HAPSTR1: variants seen among roughly 807,000 people sequenced by gnomAD.
The protein encoded by HAPSTR1 is HUWE1 associated protein modifying stress responses, also known as HUWE1-associated protein modifying stress responses 1.
the HAPSTR1 span, chr16:9,105,498 G>C: frequency 1.3e-5 from 2 of 152,146 alleles, no homozygotes; most frequent in Non-Finnish European, 2.9e-5. Context: ...AGTTTAATTT[G>C]AATATTTAAA....
chr16:9,095,589 G>C, the HAPSTR1 span, among the ~76,000 whole-genome samples: 1 of 151,964 alleles, frequency 6.6e-6, no homozygotes, highest in Non-Finnish European at 1.5e-5. Context: ...TAACTACCAA[G>C]AAGTTCATTA....
the HAPSTR1 span, chr16:9,112,746 A>C: frequency 1.2e-4 from 18 of 152,220 alleles, no homozygotes; most frequent in African/African-American, 3.9e-4. Flanking sequence ...CCTGGACTGT[A>C]AGTTTGTTTT....
chr16:9,113,200 CTTAATT>C, the HAPSTR1 span: 1 of 151,954 alleles, frequency 6.6e-6, no homozygotes, highest in African/African-American at 2.4e-5. Flanking sequence ...GGTTGTTAAT[CTTAATT>C]ATTTTTGACC....
the HAPSTR1 span, chr16:9,091,674 G>C: frequency 1.3e-5 from 5 of 398,966 alleles, no homozygotes; most frequent in African/African-American, 2.1e-5. Context: ...CCGCGGTGCA[G>C]GCCGAGCTGC....
the HAPSTR1 span, among the ~76,000 whole-genome samples, chr16:9,115,232 CTT>C: frequency 2.0e-5 from 3 of 152,188 alleles, no homozygotes; most frequent in African/African-American, 4.8e-5. Flanking sequence ...GAGGCAGAGA[CTT>C]TTCAACTTAA....
the HAPSTR1 span, among the ~76,000 whole-genome samples, chr16:9,094,970 T>C: frequency 6.6e-6 from 1 of 152,230 alleles, no homozygotes; most frequent in Non-Finnish European, 1.5e-5. Flanking sequence ...TCTGAAATAA[T>C]CCTTAATTTG....
chr16:9,119,932 G>A, the HAPSTR1 span: 1 of 152,348 alleles, frequency 6.6e-6, no homozygotes, highest in East Asian at 1.9e-4. Context: ...CCAACCCAGA[G>A]GGCTAGTCAG....
the HAPSTR1 span, among the ~76,000 whole-genome samples, chr16:9,115,715 A>C: frequency 1.3e-5 from 2 of 152,120 alleles, no homozygotes; most frequent in Non-Finnish European, 2.9e-5. Flanking sequence ...CCCGGGTTCA[A>C]GCGATTCTCC....
At chr16:9,116,762 A>G in the HAPSTR1 span, 1 of 1,614,128 alleles carries the variant, frequency 6.2e-7, no homozygotes, top group Non-Finnish European at 8.5e-7. Context: ...GTCGAAGGAG[A>G]AATGGACTCC....
the HAPSTR1 span, chr16:9,118,015 T>C: frequency 6.5e-6 from 1 of 152,674 alleles, no homozygotes; most frequent in Non-Finnish European, 1.5e-5. Flanking sequence ...TGGAATCGCA[T>C]GGAGATTCTC....
chr16:9,097,073 G>T, the HAPSTR1 span, among the ~76,000 whole-genome samples: 767 of 152,106 alleles, frequency 5.0e-3, 7 homozygotes, highest in African/African-American at 0.018. Flanking sequence ...CCCAGTAGCT[G>T]GGATTACAGG....
chr16:9,109,019 C>G, the HAPSTR1 span: 2 of 152,178 alleles, frequency 1.3e-5, no homozygotes, highest in South Asian at 2.1e-4. Context: ...TGGCTTTTGC[C>G]TTCTGGGATA....
chr16:9,099,656 T>G, the HAPSTR1 span, among the ~76,000 whole-genome samples: 1 of 152,232 alleles, frequency 6.6e-6, no homozygotes, highest in African/African-American at 2.4e-5. Context: ...GGCCACAGCT[T>G]CTGTGCTGTT....
the HAPSTR1 span, chr16:9,110,156 TC>T: frequency 9.4e-6 from 1 of 106,446 alleles, no homozygotes. Context: ...TTCTGGGTTC[TC>T]CTTTTTTTTT....
the HAPSTR1 span, chr16:9,091,891 G>T: frequency 1.9e-6 from 1 of 527,062 alleles, no homozygotes; most frequent in South Asian, 8.6e-5. Context: ...CTCGCCGGCC[G>T]TCGGGGTGCA....
the HAPSTR1 span, chr16:9,117,967 C>T: frequency 6.6e-6 from 1 of 152,590 alleles, no homozygotes; most frequent in African/African-American, 2.4e-5. Flanking sequence ...CAATCCCTCT[C>T]CTAAAAAGTT....
chr16:9,102,384 T>A, the HAPSTR1 span, among the ~76,000 whole-genome samples: 1 of 152,214 alleles, frequency 6.6e-6, no homozygotes, highest in Non-Finnish European at 1.5e-5. Flanking sequence ...GAATTTAGTC[T>A]AGGAGATCTG....
chr16:9,091,769 G>C, the HAPSTR1 span: 1 of 396,272 alleles, frequency 2.5e-6, no homozygotes, highest in Non-Finnish European at 4.4e-6. Flanking sequence ...TGCGGCGGCC[G>C]AGGCGAGGGG....
At chr16:9,115,692 GCAAC>G in the HAPSTR1 span, among the ~76,000 whole-genome samples, 1 of 152,192 alleles carries the variant, frequency 6.6e-6, no homozygotes, top group African/African-American at 2.4e-5. Context: ...TCGGTTCTTT[GCAAC>G]CACCGCCTCC....
Sources: gnomAD v4.1 joint callset for allele counts (sites outside exome capture counted in the v4.1 genomes callset) on GRCh38, gnomAD v4.1.1 for gene constraint, MANE v1.5 for transcripts, NCBI Gene and HGNC (gene_info 2026-07-23, HGNC 2026-07-21) for gene names.